The following DAB1 variants were observed in gnomAD, a reference collection of about 807,000 sequenced individuals.
DAB1 encodes disabled homolog 1.
A neutral mutation model predicts 64.6 loss-of-function variants in DAB1; 15 were observed. The ratio of observed to expected loss-of-function variants is 0.23; its 90% CI spans 0.16 to 0.36. DAB1 has a LOEUF of 0.36. Ranked by LOEUF, DAB1 falls within the 10% of genes least tolerant of loss-of-function variation. DAB1 has a pLI of 1.00. For missense variants in DAB1, 596 were observed against 706.7 expected (o/e 0.84, Z 1.78); for synonymous variants, 235 against 251.9 (o/e 0.93, Z 0.64).
chr1:57,539,715 G>A (rs1644778354), intron 7 of DAB1, among the ~76,000 whole-genome samples: 1 of 152,120 alleles, frequency 6.6e-6, no homozygotes, highest in Admixed American at 6.5e-5. Flanking sequence ...TAGGATTACA[G>A]AAGACAATAA....
chr1:57,801,878 A>G (rs1327862630), intron 6 of DAB1, among the ~76,000 whole-genome samples: 1 of 152,128 alleles, frequency 6.6e-6, no homozygotes, highest in Non-Finnish European at 1.5e-5. Context: ...GACTGGTCTC[A>G]AACTCCTGAT....
chr1:57,117,109 C>T (rs1656206882), intron 4 of DAB1, among the ~76,000 whole-genome samples: 1 of 152,106 alleles, frequency 6.6e-6, no homozygotes. Flanking sequence ...ATTCTCTCTC[C>T]AATTAAGATA....
chr1:57,365,435 A>G (rs953140106), intron 1 of DAB1, among the ~76,000 whole-genome samples: 7 of 148,194 alleles, frequency 4.7e-5, no homozygotes, highest in African/African-American at 1.7e-4. Context: ...ACTTCACAAT[A>G]AAACTATATA....
intron 6 of DAB1, among the ~76,000 whole-genome samples, chr1:57,695,278 A>AGAGAGAG (rs1557427585): frequency 6.4e-5 from 5 of 77,822 alleles, no homozygotes; most frequent in African/African-American, 2.8e-4. Flanking sequence ...GGAAGGAAGG[A>AGAGAGAG]AGGAAGAAAG....
chr1:57,353,567 G>A (rs1189339549), intron 1 of DAB1, among the ~76,000 whole-genome samples: 1 of 152,148 alleles, frequency 6.6e-6, no homozygotes, highest in African/African-American at 2.4e-5. Flanking sequence ...GTATGTGCAA[G>A]GTCACATGCT....
chr1:57,105,945 T>C (rs906465454), intron 4 of DAB1, among the ~76,000 whole-genome samples: 1 of 152,188 alleles, frequency 6.6e-6, no homozygotes, highest in Admixed American at 6.5e-5. Flanking sequence ...CTGGGGGCCC[T>C]GAGTCTGAAT....
chr1:57,458,050 T>C (rs553839690), intron 7 of DAB1, among the ~76,000 whole-genome samples: 1 of 152,286 alleles, frequency 6.6e-6, no homozygotes, highest in Non-Finnish European at 1.5e-5. Context: ...GTGGTTTATC[T>C]TGCCTCCTTA....
At chr1:58,501,027 C>A (rs1645898648) in intron 3 of DAB1, among the ~76,000 whole-genome samples, 1 of 152,146 alleles carries the variant, frequency 6.6e-6, no homozygotes, top group Non-Finnish European at 1.5e-5. Context: ...ACAACATCTG[C>A]TCTTCATTTT....
At chr1:57,126,788 C>T (rs1009192505) in intron 4 of DAB1, among the ~76,000 whole-genome samples, 1 of 152,302 alleles carries the variant, frequency 6.6e-6, no homozygotes, top group Non-Finnish European at 1.5e-5. Flanking sequence ...GGTCACCCAG[C>T]CCCCAGGCTC....
intron 2 of DAB1, among the ~76,000 whole-genome samples, chr1:57,228,952 A>G (rs1037201584): frequency 2.0e-5 from 3 of 152,238 alleles, no homozygotes; most frequent in Non-Finnish European, 2.9e-5. Flanking sequence ...TAAATCTCAC[A>G]GAAAATGTTG....
chr1:57,526,567 A>G (rs1354787652), intron 7 of DAB1, among the ~76,000 whole-genome samples: 1 of 152,258 alleles, frequency 6.6e-6, no homozygotes, highest in Non-Finnish European at 1.5e-5. Context: ...AAACTTCCAA[A>G]GCATTATAAC....
At chr1:58,328,965 C>A (rs999878599) in intron 4 of DAB1, among the ~76,000 whole-genome samples, 3 of 152,156 alleles carry the variant, frequency 2.0e-5, no homozygotes, top group African/African-American at 7.2e-5. Context: ...GCAGAAATAA[C>A]CACTCCTCCT....
intron 3 of DAB1, among the ~76,000 whole-genome samples, chr1:58,385,298 T>C (rs1282977674): frequency 6.6e-6 from 1 of 152,230 alleles, no homozygotes; most frequent in Non-Finnish European, 1.5e-5. Context: ...TCTCCTTTTA[T>C]GTGCTTTCCT....
At chr1:58,225,355 C>T (rs916698926) in intron 4 of DAB1, among the ~76,000 whole-genome samples, 2 of 152,264 alleles carry the variant, frequency 1.3e-5, no homozygotes, top group Admixed American at 1.3e-4. Flanking sequence ...CACTTTTACA[C>T]TGTTGGTGGG....
chr1:58,506,101 G>A (rs1198126273), exon 3 of DAB1: 1 of 872,138 alleles, frequency 1.1e-6, no homozygotes, highest in Non-Finnish European at 2.0e-6. Context: ...CGATTGCCAT[G>A]AGAAGGGTGT....
chr1:57,095,294 C>T (rs1337631530), intron 4 of DAB1, among the ~76,000 whole-genome samples: 1 of 152,086 alleles, frequency 6.6e-6, no homozygotes, highest in Non-Finnish European at 1.5e-5. Flanking sequence ...TTGGTTTGTC[C>T]CTTTGCCTTT....
At chr1:57,252,287 G>A (rs1285760024) in intron 2 of DAB1, among the ~76,000 whole-genome samples, 2 of 152,268 alleles carry the variant, frequency 1.3e-5, no homozygotes, top group East Asian at 3.9e-4. Flanking sequence ...TTCAGCTACA[G>A]TAAACCCAGT....
chr1:57,988,624 C>T (rs769375711), intron 5 of DAB1, among the ~76,000 whole-genome samples: 7 of 152,076 alleles, frequency 4.6e-5, no homozygotes, highest in Non-Finnish European at 8.8e-5. Context: ...CTGTTGCCTC[C>T]TGTTATTGCA....
chr1:58,417,177 G>A (rs937403649), intron 3 of DAB1, among the ~76,000 whole-genome samples: 1 of 152,190 alleles, frequency 6.6e-6, no homozygotes, highest in Non-Finnish European at 1.5e-5. Flanking sequence ...ACAGATACTG[G>A]TTGGGAGAGT....
Sources: gnomAD v4.1 joint callset for allele counts (sites outside exome capture counted in the v4.1 genomes callset) on GRCh38, gnomAD v4.1.1 for gene constraint, MANE v1.5 for transcripts, NCBI Gene and HGNC (gene_info 2026-07-23, HGNC 2026-07-21) for gene names.